The following ADGRG2 variants were observed in gnomAD, a reference collection of about 807,000 sequenced individuals.
ADGRG2 encodes the protein G protein-coupled receptor 64.
In ADGRG2, 26 loss-of-function variants were observed where a neutral mutation model predicts 74.1. The ratio of observed to expected loss-of-function variants is 0.35; its 90% CI spans 0.26 to 0.49. ADGRG2 has a LOEUF of 0.49. ADGRG2 is among the 20% of genes least tolerant of loss of function. ADGRG2 has a pLI of 0.99. For synonymous variants in ADGRG2, 296 were observed against 295.2 expected (o/e 1.00, Z -0.03); for missense variants, 619 against 763.1 (o/e 0.81, Z 2.22).
chrX:19,054,122 T>C (rs901268382), intron 3 of ADGRG2, among the ~76,000 whole-genome samples: 3 of 111,993 alleles, frequency 2.7e-5, no homozygotes, highest in Admixed American at 9.5e-5. Flanking sequence ...CAGTGACTTA[T>C]CTAAAAATGA....
At chrX:19,087,531 C>T (rs1449712283) in intron 1 of ADGRG2, among the ~76,000 whole-genome samples, 2 of 112,360 alleles carry the variant, frequency 1.8e-5, no homozygotes, top group African/African-American at 3.2e-5. Flanking sequence ...AAGACATGGG[C>T]GAGAGCATTC....
At chrX:19,045,725 A>G (rs781328303) in intron 3 of ADGRG2, among the ~76,000 whole-genome samples, 2 of 110,503 alleles carry the variant, frequency 1.8e-5, no homozygotes, top group East Asian at 5.7e-4. Context: ...TAAAATTAGA[A>G]CCTTAGAACC....
chrX:19,019,826 A>G (rs140456907), intron 14 of ADGRG2, among the ~76,000 whole-genome samples, 161 bp from the exon 15 acceptor site: 33 of 112,200 alleles, frequency 2.9e-4, no homozygotes, highest in African/African-American at 1.0e-3. Flanking sequence ...TGTATTGACA[A>G]TTATATACTG....
intron 18 of ADGRG2, among the ~76,000 whole-genome samples, chrX:19,008,621 G>T (rs972158801): frequency 9.1e-6 from 1 of 109,829 alleles, no homozygotes. Context: ...AGCCAAGATC[G>T]CACCAATGCA....
Position 19,028,638 on chromosome X carries a change from C to T in ADGRG2, c.359-400G>A, listed in dbSNP as rs752840469. Among the ~76,000 whole-genome samples the T allele has an allele frequency of 2.7e-5, 3 of 109,385 alleles. No homozygotes were observed. In the Admixed American group the frequency reaches 2.9e-4, roughly 11 times the overall value. 95.0% of individuals were successfully genotyped at this position (109,385 alleles called of 115,157 possible). On this transcript the variant is annotated intron_variant, in intron 9 of 28. Transcript: ENST00000379869. The stretch of plus-strand genomic sequence containing the variant: ...TTGGGCCACATATAAAATACTCTAA[C>T]GACAACTGATGAGCTAAAAAAAAAA...
At chrX:19,114,097 A>G (rs1174535702) in intron 1 of ADGRG2, among the ~76,000 whole-genome samples, 1 of 108,706 alleles carries the variant, frequency 9.2e-6, no homozygotes, top group African/African-American at 3.3e-5. Context: ...AAAGTAAAAA[A>G]AAAAAAAGTC....
chrX:19,065,366 G>A (rs955728569), intron 3 of ADGRG2, among the ~76,000 whole-genome samples: 4 of 109,281 alleles, frequency 3.7e-5, no homozygotes, highest in African/African-American at 6.7e-5. Context: ...CTTACTGGGC[G>A]TTCTGAGAGA....
rs748676348 is a variant in ADGRG2 at position 19,006,072 on chromosome X, G to C, written c.1769C>G (p.Ser590Cys). Residue 590 changes from serine to cysteine, a missense_variant, in exon 22 of 29, where the codon TCT (serine) becomes TGT (cysteine). Coordinates refer to ENST00000379869, the MANE Select transcript of ADGRG2 (RefSeq NM_001079858.3). Reference protein sequence around the residue: ...GRGGWSDNGCSVKDRRLNETI... With the variant: ...GRGGWSDNGCCVKDRRLNETI... ...TTCATTCAATCTCCTGTCTTTGACA[G>C]AGCAGCCATTGTCTGACCAGCCTCC... 3.3e-5 allele frequency: 40 copies of C among 1,206,890 alleles called. No individual in the cohort carries two copies. The highest frequency in any genetic ancestry group is 4.5e-5 in the Non-Finnish European group (40 of 892,698).
At chrX:19,059,018 G>C (rs1407195935) in intron 3 of ADGRG2, among the ~76,000 whole-genome samples, 1 of 111,782 alleles carries the variant, frequency 8.9e-6, no homozygotes, top group African/African-American at 3.3e-5. Context: ...ATGCAAAGTT[G>C]TGTAAAAACC....
At chrX:19,008,781 G>A (rs2060290503) in intron 18 of ADGRG2, among the ~76,000 whole-genome samples, 1 of 112,232 alleles carries the variant, frequency 8.9e-6, no homozygotes, top group African/African-American at 3.2e-5. Context: ...GCAGACCCCA[G>A]GGAGACTGTA....
At chrX:19,041,664 C>T (rs184838907) in intron 3 of ADGRG2, among the ~76,000 whole-genome samples, 29 of 111,667 alleles carry the variant, frequency 2.6e-4, no homozygotes, top group Middle Eastern at 9.2e-3. Flanking sequence ...CCCCAATAAC[C>T]CTGCAGCCAA....
intron 3 of ADGRG2, among the ~76,000 whole-genome samples, chrX:19,044,207 G>T (rs2061129825): frequency 9.0e-6 from 1 of 111,378 alleles, no homozygotes; most frequent in Admixed American, 9.6e-5. Flanking sequence ...GTAGGACCAA[G>T]GTCCTCATTT....
chrX:19,035,369 T>G (rs1016681087), intron 7 of ADGRG2: 1 of 112,272 alleles, frequency 8.9e-6, no homozygotes, highest in African/African-American at 3.2e-5. Context: ...TAACTTCTAT[T>G]AAAAAGATAG....
At chrX:19,004,286 A>T (rs1471101571) in intron 23 of ADGRG2, among the ~76,000 whole-genome samples, 1 of 112,336 alleles carries the variant, frequency 8.9e-6, no homozygotes, top group Non-Finnish European at 1.9e-5. Flanking sequence ...GCAGAGCTAC[A>T]CTCACTGAAT....
At chrX:19,013,533 T>C (rs1335763243) in intron 16 of ADGRG2, among the ~76,000 whole-genome samples, 153 bp downstream of exon 16, 1 of 112,249 alleles carries the variant, frequency 8.9e-6, no homozygotes, top group Non-Finnish European at 1.9e-5. Context: ...CTCAACACAA[T>C]GACTCTTATG....
chrX:18,993,843 G>A, intron 28 of ADGRG2, among the ~76,000 whole-genome samples: 1 of 111,879 alleles, frequency 8.9e-6, no homozygotes, highest in Non-Finnish European at 1.9e-5. Context: ...AATTCTCCAT[G>A]GAAGGAGAAA....
intron 2 of ADGRG2, among the ~76,000 whole-genome samples, chrX:19,072,234 A>G (rs1167203300): frequency 1.8e-5 from 2 of 110,049 alleles, no homozygotes; most frequent in Non-Finnish European, 3.8e-5. Context: ...GCCCATGACA[A>G]TTCTTCTACC....
intron 4 of ADGRG2, among the ~76,000 whole-genome samples, chrX:19,038,887 C>A (rs1392209337): frequency 8.9e-6 from 1 of 111,841 alleles, no homozygotes. Context: ...TATAGTGGTT[C>A]ATTGTGCCCT....
At chrX:19,084,392 G>A (rs2061905595) in intron 1 of ADGRG2, among the ~76,000 whole-genome samples, 1 of 110,567 alleles carries the variant, frequency 9.0e-6, no homozygotes, top group Non-Finnish European at 1.9e-5. Context: ...TGGGTTGATA[G>A]GTATAGCAAA....
Sources: allele counts gnomAD v4.1 joint callset (sites outside exome capture counted in the v4.1 genomes callset), GRCh38; gene constraint gnomAD v4.1.1; transcripts MANE v1.5; gene names NCBI Gene and HGNC (gene_info 2026-07-23, HGNC 2026-07-21).